ZFP1: variants seen among roughly 807,000 people sequenced by gnomAD.
The protein encoded by ZFP1 is ZFP1 zinc finger protein, also known as zinc finger protein 1 homolog.
In ZFP1, 32 loss-of-function variants were observed where a neutral mutation model predicts 38.5. The observed-to-expected ratio is 0.83, with a 90% CI of 0.63 to 1.12. The LOEUF (loss-of-function observed/expected upper bound fraction) is 1.12. ZFP1 is among the 50% of genes most tolerant of loss of function. The pLI is 0.00. For missense variants in ZFP1, 616 were observed against 480.8 expected, an observed-to-expected ratio of 1.28 and a Z score of -2.63; for synonymous variants, 245 against 168.8, an observed-to-expected ratio of 1.45 and a Z score of -3.50.
intron 1 of ZFP1, 128 bp from the exon 2 acceptor site, chr16:75,152,781 C>T: frequency 1.3e-6 from 1 of 767,842 alleles, no homozygotes; most frequent in East Asian, 2.6e-5. Context: ...TCTGAAGAGG[C>T]AAAGGGACTT....
chr16:75,168,019 C>G (rs1015362143), intron 3 of ZFP1, among the ~76,000 whole-genome samples: 5 of 152,054 alleles, frequency 3.3e-5, no homozygotes, highest in Non-Finnish European at 7.4e-5. Flanking sequence ...TGAGATCACA[C>G]CATTATACTC....
chr16:75,168,385 G>T (rs777197574), intron 3 of ZFP1, among the ~76,000 whole-genome samples: 81 of 151,690 alleles, frequency 5.3e-4, no homozygotes, highest in Non-Finnish European at 9.4e-4. Flanking sequence ...CTGGAATATT[G>T]AGAGTATCCC....
chr16:75,124,661 C>T, the ZFP1 span, among the ~76,000 whole-genome samples: 1 of 150,186 alleles, frequency 6.7e-6, no homozygotes, highest in Admixed American at 6.6e-5. Context: ...GCGGCAGGCG[C>T]CTGTAGTCCC....
chr16:75,137,570 C>T, the ZFP1 span, among the ~76,000 whole-genome samples: 2 of 38,400 alleles, frequency 5.2e-5, no homozygotes, highest in Non-Finnish European at 1.9e-4. Context: ...ACGCCATTCT[C>T]CTGCCTCCTC....
At chr16:75,125,259 G>GA in the ZFP1 span, among the ~76,000 whole-genome samples, 52 of 152,036 alleles carry the variant, frequency 3.4e-4, no homozygotes, top group African/African-American at 1.2e-3. Flanking sequence ...ACTCTATCTC[G>GA]AAAAAAATTT....
At chr16:75,125,560 G>A in the ZFP1 span, among the ~76,000 whole-genome samples, 1 of 152,110 alleles carries the variant, frequency 6.6e-6, no homozygotes, top group Admixed American at 6.6e-5. Flanking sequence ...CTGACCTCAA[G>A]TGATCACCCA....
intron 2 of ZFP1, among the ~76,000 whole-genome samples, chr16:75,158,492 G>T (rs1417645017): frequency 6.6e-6 from 1 of 151,574 alleles, no homozygotes; most frequent in Non-Finnish European, 1.5e-5. Context: ...ACAGGCCTGT[G>T]ACAGTTAATT....
chr16:75,162,009 T>C (rs926172780), intron 2 of ZFP1, among the ~76,000 whole-genome samples: 3 of 151,226 alleles, frequency 2.0e-5, no homozygotes, highest in Non-Finnish European at 4.4e-5. Context: ...GGTCTCGAAC[T>C]CCTGACCTCA....
At chr16:75,140,839 G>T in the ZFP1 span, among the ~76,000 whole-genome samples, 55,951 of 151,824 alleles carry the variant, frequency 0.37, 11,932 homozygotes, top group Middle Eastern at 0.54. Flanking sequence ...GGCGCCTGTT[G>T]TCCCAGCTAC....
At chr16:75,140,928 T>C in the ZFP1 span, among the ~76,000 whole-genome samples, 2 of 151,868 alleles carry the variant, frequency 1.3e-5, no homozygotes, top group Admixed American at 1.3e-4. Flanking sequence ...CACTGCACTC[T>C]AGCCTGGGCG....
chr16:75,136,060 C>T, the ZFP1 span, among the ~76,000 whole-genome samples: 1 of 152,226 alleles, frequency 6.6e-6, no homozygotes, highest in Non-Finnish European at 1.5e-5. Flanking sequence ...AAGTTATCCA[C>T]CCACCTCTGT....
At chr16:75,144,846 T>C (rs958229298), upstream of ZFP1, among the ~76,000 whole-genome samples, 5 of 152,234 alleles carry the variant, frequency 3.3e-5, no homozygotes, top group African/African-American at 1.2e-4. Context: ...TCTTTTCTTT[T>C]AAGAAACAGA....
At chr16:75,123,797 A>G in the ZFP1 span, among the ~76,000 whole-genome samples, 28 of 151,598 alleles carry the variant, frequency 1.8e-4, no homozygotes, top group African/African-American at 6.5e-4. Context: ...TTTCTTAAAA[A>G]AAGTTGTGTC....
chr16:75,164,483 T>C (rs982860389), intron 2 of ZFP1, among the ~76,000 whole-genome samples: 32 of 152,226 alleles, frequency 2.1e-4, no homozygotes, highest in African/African-American at 7.2e-4. Context: ...ATTTGCATAC[T>C]TTTAATATGT....
chr16:75,159,568 C>A (rs1003253126), intron 2 of ZFP1, among the ~76,000 whole-genome samples: 1 of 150,950 alleles, frequency 6.6e-6, no homozygotes, highest in Non-Finnish European at 1.5e-5. Flanking sequence ...CCACTATGCC[C>A]GGCTAATTTT....
chr16:75,123,644 A>AT, the ZFP1 span, among the ~76,000 whole-genome samples: 1 of 150,592 alleles, frequency 6.6e-6, no homozygotes, highest in Non-Finnish European at 1.5e-5. Context: ...TGTCTGGCTA[A>AT]TTTTTTGTAT....
chr16:75,143,505 C>A (rs2036908114), upstream of ZFP1, among the ~76,000 whole-genome samples: 1 of 152,154 alleles, frequency 6.6e-6, no homozygotes, highest in Non-Finnish European at 1.5e-5. Context: ...CTTGGCCCCC[C>A]AAAGTGCTGG....
chr16:75,166,974 T>A (rs2038123718), intron 3 of ZFP1, 78 bp downstream of exon 3: 2 of 1,537,764 alleles, frequency 1.3e-6, no homozygotes, highest in Non-Finnish European at 1.7e-6. Context: ...GAAATGAGCT[T>A]CTGAATTACT....
Position 75,169,481 on chromosome 16 carries a change from G to C in ZFP1, c.371G>C (p.Arg124Thr). ...AATTCAGACTTGCTTAATAGTAATA[G>C]AAGCTATGCAGGAAAGCAGACTGAT... ...KYNSDLLNSN[R>T]SYAGKQTDEC... is the part of the protein sequence containing the mutation. Residue 124 changes from arginine to threonine, a missense_variant, in exon 4 of 4, where the codon AGA (arginine) becomes ACA (threonine). Physicochemically the swap from Arg to Thr is moderately conservative, Grantham distance 71. Coordinates refer to ENST00000570010, the MANE Select transcript of ZFP1 (RefSeq NM_153688.4). 2 of 1,612,866 alleles carry C rather than the reference G, an allele frequency of 1.2e-6. No homozygotes were observed. Among genetic ancestry groups the C allele is most frequent in the Non-Finnish European group, 1.7e-6 (2 of 1,179,788 alleles).
Sources: allele counts gnomAD v4.1 joint callset (sites outside exome capture counted in the v4.1 genomes callset), GRCh38; gene constraint gnomAD v4.1.1; transcripts MANE v1.5; gene names NCBI Gene and HGNC (gene_info 2026-07-23, HGNC 2026-07-21).